SLF1: variants seen among roughly 807,000 people sequenced by gnomAD.
SLF1 encodes the protein SMC5-SMC6 complex localization factor protein 1.
Under a neutral mutation model 123.0 loss-of-function variants are expected in SLF1, and 105 were observed. The observed-to-expected ratio is 0.85, with a 90% CI of 0.73 to 1.00. The LOEUF (loss-of-function observed/expected upper bound fraction) is 1.00. Ranked by LOEUF, SLF1 falls within the 50% of genes least tolerant of loss-of-function variation. The pLI is 0.00. For missense variants in SLF1, 1,239 were observed against 1,223.0 expected (o/e 1.01, Z -0.20); for synonymous variants, 434 against 406.6 (o/e 1.07, Z -0.81).
At chr5:94,649,957 T>TC (rs1214104192) in intron 6 of SLF1, among the ~76,000 whole-genome samples, 1 of 152,152 alleles carries the variant, frequency 6.6e-6, no homozygotes, top group Non-Finnish European at 1.5e-5. Flanking sequence ...TCATGTAAAT[T>TC]CAAGTATTTA....
At chr5:94,685,121 A>G (rs1752267353) in intron 15 of SLF1, among the ~76,000 whole-genome samples, 1 of 152,208 alleles carries the variant, frequency 6.6e-6, no homozygotes, top group Non-Finnish European at 1.5e-5. Flanking sequence ...AAGGACTACA[A>G]GACACTAGAG....
chr5:94,679,881 A>G (rs899697247), intron 15 of SLF1, among the ~76,000 whole-genome samples: 4 of 152,212 alleles, frequency 2.6e-5, no homozygotes, highest in African/African-American at 9.6e-5. Context: ...GACCTTATGT[A>G]GATTCCCAAA....
chr5:94,673,850 A>C (rs1450675750), intron 14 of SLF1, among the ~76,000 whole-genome samples: 1 of 151,882 alleles, frequency 6.6e-6, no homozygotes, highest in African/African-American at 2.4e-5. Flanking sequence ...TTTTTTCTAA[A>C]TCAGCATTAA....
At chr5:94,627,106 C>T (rs1744526409) in intron 1 of SLF1, among the ~76,000 whole-genome samples, 1 of 152,190 alleles carries the variant, frequency 6.6e-6, no homozygotes, top group African/African-American at 2.4e-5. Context: ...AAGAACATTT[C>T]TCACTTCACC....
At chr5:94,671,076 C>T in intron 14 of SLF1, 68 bp downstream of exon 14, 1 of 1,114,212 alleles carries the variant, frequency 9.0e-7, no homozygotes, top group Non-Finnish European at 1.3e-6. Context: ...ACCTTTTCCT[C>T]TCCTCTTTAT....
rs549973546 is a variant in SLF1, at chr5:94,634,493, G to A, written c.431+3750G>A. ...TGTCCTCCAGTTCATCCATGTTGTT[G>A]CAAATGACATAATTTCTCTCTTTCT... is the stretch of plus-strand genomic sequence containing the variant. On this transcript the variant is annotated intron_variant, in intron 4 of 20. Coordinates refer to ENST00000265140, the MANE Select transcript of SLF1 (RefSeq NM_032290.4). Among the ~76,000 whole-genome samples the A allele has an allele frequency of 3.9e-5, 6 of 152,220 alleles. No homozygotes were observed. The South Asian group carries it at 1.2e-3, about 32-fold the overall frequency.
At position 94,678,860 on chromosome 5, in the gene SLF1, T is replaced by C. The variant is rs1303083738; in HGVS notation, c.1880T>C (p.Ile627Thr). Residue 627 changes from isoleucine (I) to threonine (T), a missense_variant, in exon 15 of 21, where the codon ATA becomes ACA. Ile to Thr is a moderately conservative substitution (Grantham distance 89). Coordinates refer to ENST00000265140, the MANE Select transcript of SLF1 (RefSeq NM_032290.4). ...YLLAGILGAA[I>T]DYWIFLGLKM... ...TTGGCTGGAATTCTTGGAGCAGCAA[T>C]AGATTATTGGATTTTCCTTGGTCTT... is the stretch of plus-strand genomic sequence containing the variant. 1 of 1,613,730 alleles carries C rather than the reference T, an allele frequency of 6.2e-7. No homozygotes were observed. The highest frequency in any genetic ancestry group is 1.3e-5 in the African/African-American group (1 of 75,032).
In SLF1 at chr5:94,689,651, G is replaced by T. The variant is rs199809848; in HGVS notation, c.2419+45G>T. 5 of 1,538,778 alleles carry T rather than the reference G, an allele frequency of 3.2e-6. No individual in the cohort carries two copies. The East Asian group carries it at 6.8e-5, about 21-fold the overall frequency. Reference sequence around the variant, plus strand: ...TAATTTATGCTAAGAACTTTTCATGGTTATAGTCAGTACTTGCAGGTTTCA... The same window carrying T: ...TAATTTATGCTAAGAACTTTTCATGTTTATAGTCAGTACTTGCAGGTTTCA... On this transcript the variant is annotated intron_variant, in intron 18 of 20. Coordinates refer to ENST00000265140, the MANE Select transcript of SLF1 (RefSeq NM_032290.4).
chr5:94,650,142 A>G (rs1357032134), intron 6 of SLF1, among the ~76,000 whole-genome samples: 1 of 152,164 alleles, frequency 6.6e-6, no homozygotes, highest in Non-Finnish European at 1.5e-5. Context: ...CAAAAAGGAC[A>G]TTATTAGTTC....
Position 94,692,150 on chromosome 5 carries a change from T to A in SLF1, c.2589T>A (p.Arg863=). 1 of 1,613,932 alleles carries A rather than the reference T, an allele frequency of 6.2e-7. No homozygotes were observed. The stretch of plus-strand genomic sequence containing the variant: ...TGTGTGTCCAGGAAATTTTGCAACG[T>A]TGTCCAGAGGTAGATCTGCTCACTC... ...NTVCVQEILQ[R]CPEVDLLTQV... Residue 863 remains arginine, a synonymous_variant, in exon 20 of 21, where the codon CGT becomes CGA. Coordinates refer to ENST00000265140, the MANE Select transcript of SLF1 (RefSeq NM_032290.4).
chr5:94,630,877 C>G (rs1745123493), intron 4 of SLF1, 134 bp downstream of exon 4: 1 of 936,198 alleles, frequency 1.1e-6, no homozygotes, highest in African/African-American at 1.7e-5. Context: ...CCTAGGTAAG[C>G]CATTATGCTC....
At chr5:94,663,475 C>A (rs141838989) in intron 10 of SLF1, among the ~76,000 whole-genome samples, 350 of 152,342 alleles carry the variant, frequency 2.3e-3, no homozygotes, top group African/African-American at 8.2e-3. Flanking sequence ...GAAACCCCGT[C>A]TCTGCTAAGA....
intron 9 of SLF1, among the ~76,000 whole-genome samples, chr5:94,656,915 T>TA (rs569429055): frequency 1.1e-4 from 16 of 150,862 alleles, no homozygotes; most frequent in Admixed American, 9.9e-4. Flanking sequence ...GTTTAACTTT[T>TA]AAAAAAAATT....
In SLF1 at chr5:94,651,697, C is replaced by T. The variant is rs536744531; in HGVS notation, c.739-5C>T. ...CTTAACTAAATTATGTTTACAAACACGCAGAAAGAAATGCAAAATCATGAA... is the reference window on the plus strand; with the variant it reads ...CTTAACTAAATTATGTTTACAAACATGCAGAAAGAAATGCAAAATCATGAA... On this transcript the variant is annotated splice_polypyrimidine_tract_variant and splice_region_variant and intron_variant, in intron 6 of 20. Transcript: ENST00000265140. 2.0e-5 allele frequency: 31 copies of T among 1,512,384 alleles called. No homozygotes were observed. Among genetic ancestry groups the T allele is most frequent in the Middle Eastern group, 1.7e-4 (1 of 5,830 alleles). The allele number at this position is 1,512,384 out of a possible 1,614,324, so 93.7% of individuals were successfully genotyped here.
At chr5:94,684,713 A>G (rs1388098838) in intron 15 of SLF1, among the ~76,000 whole-genome samples, 1 of 151,630 alleles carries the variant, frequency 6.6e-6, no homozygotes, top group Non-Finnish European at 1.5e-5. Flanking sequence ...AAAAAAAAAA[A>G]AAAAAAAAAA....
intron 5 of SLF1, among the ~76,000 whole-genome samples, chr5:94,644,309 T>G (rs10070258): frequency 0.31 from 46,955 of 151,900 alleles, 7,594 homozygotes; most frequent in African/African-American, 0.38. Flanking sequence ...CTTTAGTATA[T>G]TCTAGCTCAT....
At chr5:94,628,779 C>T in intron 1 of SLF1, 32 bp from the exon 2 acceptor site, 1 of 1,372,834 alleles carries the variant, frequency 7.3e-7, no homozygotes, top group Non-Finnish European at 9.9e-7. Context: ...ATCTTTAACA[C>T]ACATTATCTT....
rs1366974300 is a variant in SLF1, at chr5:94,678,156, G to A, written c.1828-652G>A. On this transcript the variant is annotated intron_variant, in intron 14 of 20. Coordinates refer to ENST00000265140, the MANE Select transcript of SLF1 (RefSeq NM_032290.4). ...AGGATAGTCTCAATCTCCTGACCTCGTGATCCACCCACCTCGGCCTCCCAA... is the reference window on the plus strand; with the variant it reads ...AGGATAGTCTCAATCTCCTGACCTCATGATCCACCCACCTCGGCCTCCCAA... Among the ~76,000 whole-genome samples the A allele has an allele frequency of 4.6e-5, 7 of 152,186 alleles. No homozygotes were observed. In the South Asian group the frequency reaches 6.2e-4, roughly 14 times the overall value.
chr5:94,656,858 T>C (rs1407809933), intron 9 of SLF1, among the ~76,000 whole-genome samples: 1 of 151,464 alleles, frequency 6.6e-6, no homozygotes, highest in Non-Finnish European at 1.5e-5. Flanking sequence ...TATTTGGGGT[T>C]TTTTCTTTTT....
Sources: gnomAD v4.1 joint callset for allele counts (sites outside exome capture counted in the v4.1 genomes callset) on GRCh38, gnomAD v4.1.1 for gene constraint, MANE v1.5 for transcripts, NCBI Gene and HGNC (gene_info 2026-07-23, HGNC 2026-07-21) for gene names.